The following ANK3 variants were observed in gnomAD, a reference collection of about 807,000 sequenced individuals.
ANK3 encodes the protein ankyrin 3.
In ANK3, 57 loss-of-function variants were observed where a neutral mutation model predicts 370.9. That is an observed-to-expected ratio of 0.15 (90% CI 0.12 to 0.19). The LOEUF (loss-of-function observed/expected upper bound fraction) is 0.19. Ranked by LOEUF, ANK3 falls within the 10% of genes least tolerant of loss-of-function variation. The probability of loss-of-function intolerance (pLI) is 1.00; values close to 1 mark genes in which losing one functional copy is unlikely to be tolerated. For missense variants in ANK3, 4,439 were observed against 5,302.1 expected (o/e 0.84, Z 5.06); for synonymous variants, 1,929 against 1,946.3 (o/e 0.99, Z 0.23).
chr10:60,557,037 C>T (rs1595272716), intron 2 of ANK3, among the ~76,000 whole-genome samples: 1 of 152,210 alleles, frequency 6.6e-6, no homozygotes, highest in African/African-American at 2.4e-5. Flanking sequence ...CCATCCCCCT[C>T]CCCCACTGCT....
intron 1 of ANK3, among the ~76,000 whole-genome samples, chr10:60,673,187 A>C (rs2079083466): frequency 6.6e-6 from 1 of 152,150 alleles, no homozygotes; most frequent in African/African-American, 2.4e-5. Flanking sequence ...TTTACTCAAA[A>C]ACATGTTTTT....
chr10:60,708,763 A>T (rs1367475583), intron 1 of ANK3, among the ~76,000 whole-genome samples: 1 of 152,216 alleles, frequency 6.6e-6, no homozygotes, highest in African/African-American at 2.4e-5. Context: ...GTGAAGGCAC[A>T]GCTCAGGAGT....
chr10:60,686,622 C>G (rs2079271769), intron 1 of ANK3, among the ~76,000 whole-genome samples: 1 of 152,124 alleles, frequency 6.6e-6, no homozygotes, highest in Admixed American at 6.5e-5. Context: ...ATCTTCCTAA[C>G]AACTGTAGGT....
chr10:60,300,300 A>C (rs776221208), intron 1 of ANK3: 2 of 1,216,942 alleles, frequency 1.6e-6, no homozygotes, highest in South Asian at 2.5e-5. Flanking sequence ...CATTTCATTT[A>C]GGAGCTGTAA....
intron 2 of ANK3, among the ~76,000 whole-genome samples, chr10:60,424,428 T>C (rs1167026057): frequency 2.6e-5 from 4 of 152,024 alleles, no homozygotes. Context: ...GTATAGACAG[T>C]ATTCAAAGAT....
At chr10:60,082,249 T>A in intron 34 of ANK3, 73 bp from the exon 35 acceptor site, 1 of 1,313,300 alleles carries the variant, frequency 7.6e-7, no homozygotes, top group South Asian at 1.2e-5. Flanking sequence ...TATCAGGATA[T>A]GAAAAGGACT....
intron 2 of ANK3, among the ~76,000 whole-genome samples, chr10:60,568,110 G>C (rs537686839): frequency 3.9e-5 from 6 of 152,324 alleles, no homozygotes; most frequent in African/African-American, 1.4e-4. Context: ...AAACTTAGTT[G>C]ATAAAGCAGT....
At chr10:60,652,686 C>T (rs1223392627) in intron 1 of ANK3, among the ~76,000 whole-genome samples, 3 of 79,668 alleles carry the variant, frequency 3.8e-5, no homozygotes, top group South Asian at 7.3e-4. Flanking sequence ...CCCTTCCAGG[C>T]AAAATGTAAA....
intron 2 of ANK3, among the ~76,000 whole-genome samples, chr10:60,595,349 A>C (rs1459761319): frequency 6.6e-6 from 1 of 152,116 alleles, no homozygotes; most frequent in African/African-American, 2.4e-5. Flanking sequence ...TTTGGCAGGC[A>C]GGGGGTTAGG....
At chr10:60,416,181 T>G (rs1442812624) in intron 2 of ANK3, among the ~76,000 whole-genome samples, 1 of 152,176 alleles carries the variant, frequency 6.6e-6, no homozygotes, top group Non-Finnish European at 1.5e-5. Flanking sequence ...CTTGGATTTC[T>G]CAGCCTCTGA....
chr10:60,698,262 G>T (rs1461537428), intron 1 of ANK3, among the ~76,000 whole-genome samples: 5 of 149,964 alleles, frequency 3.3e-5, no homozygotes, highest in Non-Finnish European at 7.5e-5. Flanking sequence ...ACAGGTGCTG[G>T]AGAGGATGTG....
chr10:60,034,250 G>C (rs1350540140), intron 43 of ANK3, among the ~76,000 whole-genome samples: 4 of 151,944 alleles, frequency 2.6e-5, no homozygotes, highest in African/African-American at 9.7e-5. Flanking sequence ...GGGATTAAAG[G>C]CGCCCACCAC....
intron 2 of ANK3, among the ~76,000 whole-genome samples, chr10:60,599,095 A>AT (rs1043665452): frequency 1.9e-4 from 29 of 151,468 alleles, no homozygotes; most frequent in East Asian, 9.7e-4. Context: ...TGACTGGCTA[A>AT]TTTTTTTTTA....
At chr10:60,191,577 T>C (rs1430300844) in intron 16 of ANK3, among the ~76,000 whole-genome samples, 1 of 152,046 alleles carries the variant, frequency 6.6e-6, no homozygotes, top group Non-Finnish European at 1.5e-5. Flanking sequence ...TCAAAAATAA[T>C]AGATGCTGGT....
At chr10:60,694,886 CA>C (rs1445125662) in intron 1 of ANK3, among the ~76,000 whole-genome samples, 1 of 148,326 alleles carries the variant, frequency 6.7e-6, no homozygotes, top group Non-Finnish European at 1.5e-5. Context: ...GGATCAAATT[CA>C]CACATAACAA....
chr10:60,144,991 C>A (rs1341254517), intron 23 of ANK3, among the ~76,000 whole-genome samples: 3 of 152,136 alleles, frequency 2.0e-5, no homozygotes, highest in Non-Finnish European at 4.4e-5. Context: ...TTCTTCTAAT[C>A]TCTTTCCACC....
rs146324308 is a variant in ANK3, at chr10:60,076,249, C to T, written c.4632G>A (p.Ser1544=). 36 of 1,613,970 alleles carry T rather than the reference C, an allele frequency of 2.2e-5. No individual in the cohort carries two copies. Among genetic ancestry groups the T allele is most frequent in the Middle Eastern group, 1.7e-4 (1 of 6,060 alleles). ...ASPLKSIWSV[S]TPSPIKSTLG... ...ATGTGGATTTGATTGGAGAAGGTGTCGAAACAGACCATATTGATTTTAACG... is the reference window on the plus strand; with the variant it reads ...ATGTGGATTTGATTGGAGAAGGTGTTGAAACAGACCATATTGATTTTAACG... Residue 1544 remains serine, a synonymous_variant, in exon 37 of 44, where the codon TCG becomes TCA. Coordinates refer to ENST00000280772, the MANE Select transcript of ANK3 (RefSeq NM_020987.5).
chr10:60,053,625 T>C, intron 42 of ANK3: 1 of 1,268,316 alleles, frequency 7.9e-7, no homozygotes, highest in South Asian at 1.3e-5. Flanking sequence ...TTCTCAGTAC[T>C]CTTTGCCATG....
upstream of ANK3, among the ~76,000 whole-genome samples, chr10:60,391,244 C>T (rs1402161867): frequency 5.3e-5 from 8 of 152,146 alleles, no homozygotes. Context: ...TACCAAGGGC[C>T]TACTATGTGC....
Sources: gnomAD v4.1 joint callset for allele counts (sites outside exome capture counted in the v4.1 genomes callset) on GRCh38, gnomAD v4.1.1 for gene constraint, MANE v1.5 for transcripts, NCBI Gene and HGNC (gene_info 2026-07-23, HGNC 2026-07-21) for gene names.